Variants in FRMD4A observed in about 807,000 individuals in gnomAD.
FRMD4A encodes FERM domain containing 4A, also known as FERM domain-containing protein 4A.
FRMD4A carries 29 observed loss-of-function variants against 129.1 expected under a neutral mutation model. The observed-to-expected ratio is 0.22, with a 90% CI of 0.17 to 0.31. The LOEUF is 0.31. Among genes scored for constraint, FRMD4A ranks in the 10% least tolerant of loss-of-function variants. The pLI, the probability that FRMD4A is intolerant of heterozygous loss-of-function variation, is 1.00. For missense variants in FRMD4A, 1,272 were observed against 1,375.8 expected (o/e 0.92, Z 1.19); for synonymous variants, 634 against 571.6 (o/e 1.11, Z -1.56).
At chr10:13,765,101 AT>A (rs10708906) in intron 6 of FRMD4A, among the ~76,000 whole-genome samples, 75,441 of 124,188 alleles carry the variant, frequency 0.61, 24,698 homozygotes, top group East Asian at 0.94. Context: ...TCAAGGATTG[AT>A]TTTTTTTTTT....
intron 2 of FRMD4A, among the ~76,000 whole-genome samples, chr10:13,967,542 T>G (rs1655973837): frequency 6.6e-6 from 1 of 152,028 alleles, no homozygotes; most frequent in African/African-American, 2.4e-5. Flanking sequence ...ATAAGAAATT[T>G]TAAAAAAACA....
intron 2 of FRMD4A, among the ~76,000 whole-genome samples, chr10:14,089,329 G>A (rs139698875): frequency 1.3e-3 from 191 of 152,074 alleles, no homozygotes; most frequent in Middle Eastern, 3.4e-3. Flanking sequence ...TGTTTCCCCC[G>A]CTGGGGCCCA....
At chr10:14,275,578 T>G (rs1157756469) in intron 2 of FRMD4A, among the ~76,000 whole-genome samples, 1 of 152,210 alleles carries the variant, frequency 6.6e-6, no homozygotes, top group East Asian at 1.9e-4. Flanking sequence ...AGTTTACACT[T>G]TCAGATGGCA....
chr10:13,701,569 C>T, intron 13 of FRMD4A, 91 bp from the exon 14 acceptor site: 1 of 1,206,120 alleles, frequency 8.3e-7, no homozygotes, highest in Non-Finnish European at 1.2e-6. Flanking sequence ...CCCACTGCGT[C>T]CTAGAAGCCC....
intron 2 of FRMD4A, among the ~76,000 whole-genome samples, chr10:14,294,738 C>T (rs535764152): frequency 6.6e-5 from 10 of 152,348 alleles, no homozygotes; most frequent in South Asian, 6.2e-4. Context: ...CAGCAAGATT[C>T]GCTACCACGA....
chr10:13,697,021 C>T, intron 14 of FRMD4A, among the ~76,000 whole-genome samples: 1 of 152,186 alleles, frequency 6.6e-6, no homozygotes, highest in East Asian at 1.9e-4. Flanking sequence ...ACATGAAAAA[C>T]TTATCCCCCT....
intron 8 of FRMD4A, among the ~76,000 whole-genome samples, chr10:13,748,645 G>T (rs943096): frequency 6.6e-6 from 1 of 151,824 alleles, no homozygotes; most frequent in South Asian, 2.1e-4. Context: ...TGTGAACTGC[G>T]TTGTCTGGGC....
intron 2 of FRMD4A, among the ~76,000 whole-genome samples, chr10:14,226,722 C>G (rs561748158): frequency 6.6e-6 from 1 of 152,152 alleles, no homozygotes; most frequent in Non-Finnish European, 1.5e-5. Flanking sequence ...CACCATCCTT[C>G]ATTCGTCACC....
chr10:14,309,581 C>G (rs1397387573), intron 2 of FRMD4A, among the ~76,000 whole-genome samples: 1 of 152,180 alleles, frequency 6.6e-6, no homozygotes, highest in African/African-American at 2.4e-5. Flanking sequence ...CAAGGCAGTT[C>G]TGGTTCATTT....
intron 2 of FRMD4A, among the ~76,000 whole-genome samples, chr10:13,876,124 G>A (rs1193604415): frequency 6.6e-6 from 1 of 152,258 alleles, no homozygotes; most frequent in South Asian, 2.1e-4. Flanking sequence ...AAGGGAAGTT[G>A]TAGAAAGGAT....
At chr10:14,001,378 T>C (rs375860464) in intron 2 of FRMD4A, among the ~76,000 whole-genome samples, 11 of 152,312 alleles carry the variant, frequency 7.2e-5, no homozygotes, top group African/African-American at 2.6e-4. Context: ...ATAGCTCAGT[T>C]TCAGGCCCAG....
intron 2 of FRMD4A, among the ~76,000 whole-genome samples, chr10:14,293,865 T>C (rs908014602): frequency 3.3e-5 from 5 of 152,214 alleles, no homozygotes; most frequent in African/African-American, 1.2e-4. Context: ...ACTGAATCAA[T>C]AGATGTGCTA....
chr10:13,964,673 TG>T (rs1388662344), intron 2 of FRMD4A, among the ~76,000 whole-genome samples: 31 of 98,238 alleles, frequency 3.2e-4, no homozygotes, highest in Middle Eastern at 6.3e-3. Context: ...CCTCTTCTTT[TG>T]TTTTTTTTTT....
At chr10:13,968,853 G>T (rs865894766) in intron 2 of FRMD4A, among the ~76,000 whole-genome samples, 1 of 152,100 alleles carries the variant, frequency 6.6e-6, no homozygotes, top group Non-Finnish European at 1.5e-5. Context: ...TTTTTTTGAG[G>T]GGGGAGTGAA....
intron 12 of FRMD4A, chr10:13,710,541 C>A (rs1176325410): frequency 6.6e-6 from 1 of 152,266 alleles, no homozygotes; most frequent in Non-Finnish European, 1.5e-5. Context: ...CCAGGCCTAT[C>A]CCCGGGATGA....
chr10:13,992,605 G>A (rs1565163240), intron 2 of FRMD4A, among the ~76,000 whole-genome samples: 1 of 152,128 alleles, frequency 6.6e-6, no homozygotes, highest in African/African-American at 2.4e-5. Context: ...ATTTCAGCAG[G>A]GAGTTGAGAA....
At chr10:13,819,738 C>T (rs976110771) in intron 3 of FRMD4A, among the ~76,000 whole-genome samples, 1 of 140,566 alleles carries the variant, frequency 7.1e-6, no homozygotes, top group Non-Finnish European at 1.5e-5. Flanking sequence ...GTCTGGAGTG[C>T]GGGCTGGAGT....
chr10:14,055,998 G>C (rs756916406), intron 2 of FRMD4A, among the ~76,000 whole-genome samples: 2 of 152,016 alleles, frequency 1.3e-5, no homozygotes, highest in Non-Finnish European at 2.9e-5. Flanking sequence ...GCAGTGGCGC[G>C]ATCTCGGCTC....
At chr10:14,162,175 C>CA (rs1362226274) in intron 2 of FRMD4A, among the ~76,000 whole-genome samples, 1 of 152,084 alleles carries the variant, frequency 6.6e-6, no homozygotes, top group African/African-American at 2.4e-5. Flanking sequence ...TAGCACATCT[C>CA]AAGGCAGACT....
Sources: gnomAD v4.1 joint callset for allele counts (sites outside exome capture counted in the v4.1 genomes callset) on GRCh38, gnomAD v4.1.1 for gene constraint, MANE v1.5 for transcripts, NCBI Gene and HGNC (gene_info 2026-07-23, HGNC 2026-07-21) for gene names.